The following DSCAM variants were observed in gnomAD, a reference collection of about 807,000 sequenced individuals.
DSCAM encodes cell adhesion molecule DSCAM.
DSCAM carries 47 observed loss-of-function variants against 217.7 expected under a neutral mutation model. The ratio of observed to expected loss-of-function variants is 0.22; its 90% CI spans 0.17 to 0.28. The LOEUF is 0.28. Among genes scored for constraint, DSCAM ranks in the 10% least tolerant of loss-of-function variants. DSCAM has a pLI of 1.00. For missense variants in DSCAM, 2,080 were observed against 2,618.3 expected (o/e 0.79, Z 4.49); for synonymous variants, 1,056 against 1,015.3 (o/e 1.04, Z -0.76).
chr21:40,325,505 TAA>T (rs2074307723), intron 8 of DSCAM, among the ~76,000 whole-genome samples: 1 of 152,132 alleles, frequency 6.6e-6, no homozygotes, highest in Non-Finnish European at 1.5e-5. Flanking sequence ...AAGGCAAAGT[TAA>T]GAGAGAAAAG....
Position 40,674,625 on chromosome 21 carries a change from TCTTTTTC to T in DSCAM, c.508+18178_508+18184del, listed in dbSNP as rs765624518. On this transcript the variant is annotated intron_variant, in intron 3 of 32. Transcript: ENST00000400454. ...ATTAAAGGTATTTTCTTTTTCTTTTTCTTTTTCTTTTTTTTTTTTTTTTTTGAGACGG... is the reference window on the plus strand; with the variant it reads ...ATTAAAGGTATTTTCTTTTTCTTTTTTTTTTTTTTTTTTTTTTTGAGACGG... 2.1e-3 allele frequency among the ~76,000 whole-genome samples: 214 copies of T among 104,066 alleles called. 1 individual carries two copies. Among genetic ancestry groups the T allele is most frequent in the Non-Finnish European group, 2.9e-3 (149 of 51,528 alleles). The allele number at this position is 104,066 out of a possible 152,430, so 68.3% of individuals were successfully genotyped here. A position where few individuals can be genotyped will look rare whatever the true frequency, so the allele number is the denominator to read the frequency against.
At chr21:40,125,149 A>T (rs1263137368) in intron 19 of DSCAM, among the ~76,000 whole-genome samples, 3 of 152,206 alleles carry the variant, frequency 2.0e-5, no homozygotes, top group African/African-American at 7.2e-5. Flanking sequence ...TATTGGGTCA[A>T]AGATTCACAG....
intron 11 of DSCAM, among the ~76,000 whole-genome samples, chr21:40,261,286 G>C (rs2073446114): frequency 6.6e-6 from 1 of 152,284 alleles, no homozygotes; most frequent in African/African-American, 2.4e-5. Flanking sequence ...GAGAAATCTT[G>C]CCCACATATT....
intron 1 of DSCAM, among the ~76,000 whole-genome samples, chr21:40,777,619 A>G (rs1020788170): frequency 2.0e-5 from 3 of 152,260 alleles, no homozygotes; most frequent in African/African-American, 7.2e-5. Flanking sequence ...AGACAAAAAT[A>G]GAATTGTGAT....
chr21:40,142,460 C>T (rs2090303436), intron 18 of DSCAM, 98 bp downstream of exon 18: 3 of 1,380,552 alleles, frequency 2.2e-6, no homozygotes, highest in African/African-American at 2.9e-5. Flanking sequence ...GAGGTGCCCG[C>T]CATATCCTGA....
chr21:40,035,372 C>T (rs1184070678), intron 32 of DSCAM, among the ~76,000 whole-genome samples: 1 of 104,602 alleles, frequency 9.6e-6, no homozygotes, highest in African/African-American at 4.3e-5. Context: ...ATCCTAGTCT[C>T]AGATAAAACA....
chr21:40,070,049 T>A (rs1187856299), intron 27 of DSCAM, among the ~76,000 whole-genome samples: 5 of 151,696 alleles, frequency 3.3e-5, no homozygotes, highest in Non-Finnish European at 7.4e-5. Flanking sequence ...AGCCCTCGAC[T>A]CCCCCTCACC....
intron 3 of DSCAM, among the ~76,000 whole-genome samples, chr21:40,461,272 A>G (rs889389713): frequency 6.6e-6 from 1 of 152,228 alleles, no homozygotes; most frequent in Non-Finnish European, 1.5e-5. Flanking sequence ...GAAATGAGGA[A>G]CTGTGTGACT....
chr21:40,756,233 G>A (rs970721879), intron 1 of DSCAM, among the ~76,000 whole-genome samples: 41 of 152,082 alleles, frequency 2.7e-4, no homozygotes, highest in Admixed American at 3.3e-4. Context: ...TCTTCCTCCC[G>A]CTCTGGCCAT....
intron 1 of DSCAM, among the ~76,000 whole-genome samples, chr21:40,733,072 G>T (rs909386201): frequency 6.6e-6 from 1 of 152,216 alleles, no homozygotes; most frequent in African/African-American, 2.4e-5. Flanking sequence ...CTATACAAAA[G>T]AGGCCCCAGG....
intron 3 of DSCAM, among the ~76,000 whole-genome samples, chr21:40,679,917 C>T (rs949892170): frequency 6.6e-6 from 1 of 152,102 alleles, no homozygotes; most frequent in Admixed American, 6.5e-5. Flanking sequence ...CCTAACAAGC[C>T]TCACACAAAC....
At chr21:40,407,198 T>C (rs964799422) in intron 3 of DSCAM, among the ~76,000 whole-genome samples, 4 of 152,244 alleles carry the variant, frequency 2.6e-5, no homozygotes, top group African/African-American at 9.6e-5. Flanking sequence ...CTTTATCTAA[T>C]TTAGCTCAGT....
chr21:40,504,761 G>A (rs1413147745), intron 3 of DSCAM, among the ~76,000 whole-genome samples: 2 of 152,094 alleles, frequency 1.3e-5, no homozygotes, highest in African/African-American at 4.8e-5. Flanking sequence ...GATCTCTGGG[G>A]GTGAAACTGC....
At chr21:40,043,157 A>G (rs1245125279) in intron 31 of DSCAM, among the ~76,000 whole-genome samples, 1 of 152,208 alleles carries the variant, frequency 6.6e-6, no homozygotes, top group Non-Finnish European at 1.5e-5. Context: ...AATTGGCCAC[A>G]AGCCAGAATG....
intron 3 of DSCAM, among the ~76,000 whole-genome samples, chr21:40,417,787 C>T (rs2075386092): frequency 6.6e-6 from 1 of 152,082 alleles, no homozygotes; most frequent in African/African-American, 2.4e-5. Flanking sequence ...ATAAGTACAT[C>T]ACTTGACATA....
At position 40,331,578 on chromosome 21, in the gene DSCAM, C is replaced by T. The variant is rs567274324; in HGVS notation, c.1783+6523G>A. Among the ~76,000 whole-genome samples the T allele has an allele frequency of 2.0e-5, 3 of 152,294 alleles. No homozygotes were observed. In the South Asian group the frequency reaches 6.2e-4, roughly 32 times the overall value. On this transcript the variant is annotated intron_variant, in intron 8 of 32. Transcript: ENST00000400454. The stretch of plus-strand genomic sequence containing the variant: ...CGTCAAAATGTGCAGAACAGTGTCC[C>T]TGTTGGGCTACAGTACACAAAGTAC...
At chr21:40,286,659 A>G (rs1409866862) in intron 10 of DSCAM, among the ~76,000 whole-genome samples, 1 of 140,658 alleles carries the variant, frequency 7.1e-6, no homozygotes, top group Non-Finnish European at 1.5e-5. Context: ...TACAACCTGC[A>G]GTGTGTTCAG....
chr21:40,677,905 A>G (rs964161583), intron 3 of DSCAM, among the ~76,000 whole-genome samples: 1 of 152,142 alleles, frequency 6.6e-6, no homozygotes, highest in African/African-American at 2.4e-5. Context: ...TGAGAAATAA[A>G]TTTCTGTCGT....
intron 11 of DSCAM, among the ~76,000 whole-genome samples, chr21:40,232,628 C>T (rs1057490888): frequency 6.6e-6 from 1 of 152,120 alleles, no homozygotes; most frequent in African/African-American, 2.4e-5. Flanking sequence ...GAATTCCATA[C>T]AGAGATGTTT....
Sources: gnomAD v4.1 joint callset for allele counts (sites outside exome capture counted in the v4.1 genomes callset) on GRCh38, gnomAD v4.1.1 for gene constraint, MANE v1.5 for transcripts, NCBI Gene and HGNC (gene_info 2026-07-23, HGNC 2026-07-21) for gene names.